JAKMIP3: variants seen among roughly 807,000 people sequenced by gnomAD.
JAKMIP3 encodes janus kinase and microtubule-interacting protein 3.
JAKMIP3 carries 58 observed loss-of-function variants against 118.5 expected under a neutral mutation model. The ratio of observed to expected loss-of-function variants is 0.49; its 90% CI spans 0.40 to 0.61. The LOEUF (loss-of-function observed/expected upper bound fraction) is 0.61. Ranked by LOEUF, JAKMIP3 falls within the 20% of genes least tolerant of loss-of-function variation. JAKMIP3 has a pLI of 0.00. For missense variants in JAKMIP3, 950 were observed against 1,109.0 expected (o/e 0.86, Z 2.04); for synonymous variants, 486 against 451.2 (o/e 1.08, Z -0.98).
rs1207238379 is a variant in JAKMIP3 at position 132,117,453 on chromosome 10, C to T, written c.512C>T (p.Ala171Val). The T allele has an allele frequency of 3.8e-5, 61 of 1,613,784 alleles. No individual in the cohort carries two copies. Among genetic ancestry groups the T allele is most frequent in the Middle Eastern group, 1.7e-4 (1 of 6,040 alleles). ...GGCGCCAAAAGGCAGGTGGAGGAGG[C>T]GCTGACGCTGGTGATCCAAGCGGAC... Reference protein sequence around the residue: ...LKGAKRQVEEALTLVIQADKI... With the variant: ...LKGAKRQVEEVLTLVIQADKI... The change falls in exon 3 of 24, where the codon GCG (alanine) becomes GTG (valine). Residue 171 changes from alanine (A) to valine (V), a missense_variant. Ala to Val is a moderately conservative substitution (Grantham distance 64, BLOSUM62 0). Coordinates refer to ENST00000684848, the MANE Select transcript of JAKMIP3 (RefSeq NM_001323087.2). This position sits in a 1 kb window ranked among gnomAD's most constrained non-coding sequence, Gnocchi z 8.6.
At chr10:132,178,347 G>A (rs1331235300) in intron 23 of JAKMIP3, among the ~76,000 whole-genome samples, 1 of 152,224 alleles carries the variant, frequency 6.6e-6, no homozygotes, top group Non-Finnish European at 1.5e-5. Context: ...ACCCCATGAA[G>A]GGGGTAGAGG....
rs1255817170 is a variant in JAKMIP3 at position 132,145,107 on chromosome 10, AC to A, written c.1606del (p.Arg536ValfsTer15). On this transcript the variant is annotated frameshift_variant and splice_region_variant, in exon 12 of 24. Transcript: ENST00000684848. LOFTEE classifies it high-confidence loss of function. ...ATGTATCTTTCCTCCCGTCCTACAG[AC>A]CCGTGAGCAGCTACAAGCCGAAGTG... ...GTLDAEREVK[T>X]REQLQAEVQR... 4 of 1,611,772 alleles carry A rather than the reference AC, an allele frequency of 2.5e-6. No individual in the cohort carries two copies. The Admixed American group carries it at 5.0e-5, about 20-fold the overall frequency.
intron 23 of JAKMIP3, among the ~76,000 whole-genome samples, chr10:132,180,524 T>TGTGTGTGCGC (rs1491574604): frequency 3.3e-5 from 1 of 30,234 alleles, no homozygotes; most frequent in African/African-American, 2.8e-4. Context: ...GAAGCAGAAC[T>TGTGTGTGCGC]GTGTGTGTGT....
intron 1 of JAKMIP3, among the ~76,000 whole-genome samples, chr10:132,068,654 G>T (rs2039329467): frequency 6.6e-6 from 1 of 152,140 alleles, no homozygotes; most frequent in South Asian, 2.1e-4. Context: ...GAGCTGCCTG[G>T]GCCTGCTTTC....
chr10:132,134,088 G>A (rs1490282059), intron 4 of JAKMIP3, among the ~76,000 whole-genome samples: 1 of 152,166 alleles, frequency 6.6e-6, no homozygotes, highest in African/African-American at 2.4e-5. Context: ...CGACCACCCC[G>A]GGCTGAGCTC....
chr10:132,106,603 G>A (rs993195200), intron 2 of JAKMIP3, among the ~76,000 whole-genome samples: 1 of 152,156 alleles, frequency 6.6e-6, no homozygotes, highest in Non-Finnish European at 1.5e-5. Context: ...ATGGGGACAC[G>A]ATCAGTAAAT....
chr10:132,139,522 G>A lies in JAKMIP3; in HGVS notation c.1345-929G>A, dbSNP rs536315543. ...AGTGTGTATGTGTGAGTGTGAGTGTGTGTGTGGCTTGTAAGCTGTCAGCAG... is the reference window on the plus strand; with the variant it reads ...AGTGTGTATGTGTGAGTGTGAGTGTATGTGTGGCTTGTAAGCTGTCAGCAG... On this transcript the variant is annotated intron_variant, in intron 9 of 23. Transcript: ENST00000684848. Among the ~76,000 whole-genome samples, 4 of 152,186 alleles carry A rather than the reference G, an allele frequency of 2.6e-5. No homozygotes were observed. In the South Asian group the frequency reaches 8.3e-4, roughly 32 times the overall value.
chr10:132,148,039 C>T lies in JAKMIP3; in HGVS notation c.1837C>T (p.Leu613=). 6.2e-7 allele frequency: 1 copy of T among 1,607,856 alleles called. No individual in the cohort carries two copies. The highest frequency in any genetic ancestry group is 1.1e-5 in the South Asian group (1 of 90,316). Reference sequence around the variant, plus strand: ...AAACGAGCTGCTGGAGTTCAGGATCCTGGAGCTTGAGGTAGCTGAGTGGAT... The same window carrying T: ...AAACGAGCTGCTGGAGTTCAGGATCTTGGAGCTTGAGGTAGCTGAGTGGAT... ...DQNELLEFRI[L]ELEERERKSP... Residue 613 remains leucine, a synonymous_variant, in exon 14 of 24, where the codon CTG becomes TTG. Coordinates refer to ENST00000684848, the MANE Select transcript of JAKMIP3 (RefSeq NM_001323087.2).
intron 20 of JAKMIP3, 102 bp downstream of exon 20, chr10:132,163,514 C>T (rs1025617544): frequency 1.9e-6 from 2 of 1,051,414 alleles, no homozygotes; most frequent in Non-Finnish European, 1.4e-6. Flanking sequence ...CACTACCCCT[C>T]TGTGGCCCCA....
Position 132,118,260 on chromosome 10 carries a change from G to A in JAKMIP3, c.633+686G>A, listed in dbSNP as rs2048029212. 6.6e-6 allele frequency among the ~76,000 whole-genome samples: 1 copy of A among 152,234 alleles called. No homozygotes were observed. ...CCTGGGCACCCATGGCAGGCACCAG[G>A]AGAGTCGATGTTCTCAAAGGCCCAG... On this transcript the variant is annotated intron_variant, in intron 3 of 23. Transcript: ENST00000684848. This position sits in a 1 kb window ranked among gnomAD's most constrained non-coding sequence, Gnocchi z 4.8.
At chr10:132,135,818 G>T (rs1363880136) in intron 5 of JAKMIP3, 112 bp from the exon 6 acceptor site, 2 of 1,176,508 alleles carry the variant, frequency 1.7e-6, no homozygotes, top group East Asian at 5.1e-5. Flanking sequence ...CAAGTAGAGG[G>T]CTGGGGACTG....
chr10:132,063,634 A>G (rs971047261), upstream of JAKMIP3, among the ~76,000 whole-genome samples: 7 of 152,242 alleles, frequency 4.6e-5, no homozygotes, highest in African/African-American at 1.4e-4. Flanking sequence ...TGGAAGGGAC[A>G]GTGTCTCCCT....
In JAKMIP3 at chr10:132,104,843, G is replaced by C; in HGVS notation, c.35G>C (p.Gly12Ala). ...AGGGGCATGAGCAGCCGGGCCAAGG[G>C]GGACAAGGCAGAGGCCCTCGCGGCG... ...SKRGMSSRAK[G>A]DKAEALAALQ... The change falls in exon 2 of 24, where the codon GGG (glycine) becomes GCG (alanine). Residue 12 changes from glycine (G) to alanine (A), a missense_variant. Gly to Ala is a moderately conservative substitution (Grantham distance 60). Transcript: ENST00000684848. 1 of 1,554,900 alleles carries C rather than the reference G, an allele frequency of 6.4e-7. No individual in the cohort carries two copies. The highest frequency in any genetic ancestry group is 8.7e-7 in the Non-Finnish European group (1 of 1,149,228).
chr10:132,141,359 G>C (rs540863667), intron 10 of JAKMIP3, among the ~76,000 whole-genome samples: 1 of 152,142 alleles, frequency 6.6e-6, no homozygotes, highest in East Asian at 1.9e-4. Flanking sequence ...GGGGTCCACC[G>C]GGACCCTTTG....
chr10:132,136,266 T>C (rs1039711760), intron 6 of JAKMIP3, among the ~76,000 whole-genome samples, 190 bp downstream of exon 6: 12 of 152,320 alleles, frequency 7.9e-5, no homozygotes, highest in Admixed American at 3.3e-4. Context: ...AGGGGGACCC[T>C]TGGAGGAGGC....
In JAKMIP3 at chr10:132,140,540, G is replaced by C. The variant is rs376411265; in HGVS notation, c.1434G>C (p.Thr478=). The part of the protein sequence containing the change: ...GSSVSYQTDR[T]DQTPCTPDDD... ...CCGTCTCTTACCAAACAGACAGGAC[G>C]GACCAGACCCCGTGCACCCCGGACG... Residue 478 remains threonine, a synonymous_variant, in exon 10 of 24, where the codon ACG becomes ACC. Coordinates refer to ENST00000684848, the MANE Select transcript of JAKMIP3 (RefSeq NM_001323087.2). 8 of 1,613,076 alleles carry C rather than the reference G, an allele frequency of 5.0e-6. No individual in the cohort carries two copies. The highest frequency in any genetic ancestry group is 2.2e-5 in the South Asian group (2 of 90,940).
intron 19 of JAKMIP3, among the ~76,000 whole-genome samples, chr10:132,154,506 C>T (rs2056749382): frequency 6.6e-6 from 1 of 152,214 alleles, no homozygotes; most frequent in Non-Finnish European, 1.5e-5. Flanking sequence ...AGCTACTTCC[C>T]CCGTGACTGC....
At chr10:132,180,123 C>G (rs1030933600) in intron 23 of JAKMIP3, among the ~76,000 whole-genome samples, 4 of 152,192 alleles carry the variant, frequency 2.6e-5, no homozygotes, top group Non-Finnish European at 5.9e-5. Flanking sequence ...TTTGCACAGT[C>G]TAGGCAGGAA....
chr10:132,153,734 T>G (rs1042524148), intron 17 of JAKMIP3, 25 bp from the exon 18 acceptor site: 19 of 1,612,034 alleles, frequency 1.2e-5, no homozygotes, highest in African/African-American at 2.7e-5. Context: ...GGGGTCACTG[T>G]CCTGCTTGTT....
Sources: allele counts gnomAD v4.1 joint callset (sites outside exome capture counted in the v4.1 genomes callset), GRCh38; gene constraint gnomAD v4.1.1; non-coding constraint Gnocchi (gnomAD v3.1); transcripts MANE v1.5; gene names NCBI Gene and HGNC (gene_info 2026-07-23, HGNC 2026-07-21).